The following PARD3B variants were observed in gnomAD, a reference collection of about 807,000 sequenced individuals.
PARD3B encodes the protein partitioning defective 3 homolog B.
In PARD3B, 103 loss-of-function variants were observed where a neutral mutation model predicts 130.2. The ratio of observed to expected loss-of-function variants is 0.79; its 90% CI spans 0.67 to 0.93. The LOEUF is 0.93. Among genes scored for constraint, PARD3B ranks in the 40% least tolerant of loss-of-function variants. PARD3B has a pLI of 0.00. For missense variants in PARD3B, 1,609 were observed against 1,499.2 expected (o/e 1.07, Z -1.21); for synonymous variants, 583 against 553.2 (o/e 1.05, Z -0.76).
chr2:204,942,477 G>GA (rs1448685057), intron 2 of PARD3B, among the ~76,000 whole-genome samples: 1 of 152,094 alleles, frequency 6.6e-6, no homozygotes, highest in Non-Finnish European at 1.5e-5. Flanking sequence ...AAGCATTTTT[G>GA]AGAATGTTTG....
Position 205,047,680 on chromosome 2 carries a change from T to C in PARD3B, c.494T>C (p.Leu165Pro), listed in dbSNP as rs1510765. 925,018 of 1,543,300 alleles carry C rather than the reference T, an allele frequency of 0.6. 280,063 individuals are homozygous for C. The highest frequency in any genetic ancestry group is 0.72 in the Middle Eastern group (4,054 of 5,648). ...ASHPGGQSLK[L>P]VVPDSTQNLE... ...CACCCTGGTGGCCAGAGTCTGAAAC[T>C]GGTTGTTCCAGTAGGTATCCTGCTG... The change falls in exon 4 of 23, where the codon CTG (leucine) becomes CCG (proline). Residue 165 changes from leucine (L) to proline (P), a missense_variant. Leu to Pro is a moderately conservative substitution (Grantham distance 98). Coordinates refer to ENST00000406610, the MANE Select transcript of PARD3B (RefSeq NM_001302769.2).
At chr2:205,615,351 C>T in intron 22 of PARD3B, 105 bp from the exon 23 acceptor site, 1 of 889,650 alleles carries the variant, frequency 1.1e-6, no homozygotes, top group Non-Finnish European at 1.8e-6. Context: ...TTGGCCAGAC[C>T]TATGCGGTGG....
chr2:205,200,395 T>G (rs2036924395), intron 15 of PARD3B, among the ~76,000 whole-genome samples: 1 of 152,186 alleles, frequency 6.6e-6, no homozygotes, highest in Admixed American at 6.6e-5. Flanking sequence ...CTTTCAGTCT[T>G]AGTTAATTTT....
In PARD3B at chr2:205,435,091, TA is replaced by T. The variant is rs967674790; in HGVS notation, c.2742-5274del. Among the ~76,000 whole-genome samples the T allele has an allele frequency of 7.2e-5, 11 of 152,192 alleles. No homozygotes were observed. In the South Asian group the frequency reaches 2.3e-3, roughly 32 times the overall value. ...GTTAAATTTATTTTTTTAATTATCTTAAAAATATAGAAAATGCAAATAGCAC... is the reference window on the plus strand; with the variant it reads ...GTTAAATTTATTTTTTTAATTATCTTAAAATATAGAAAATGCAAATAGCAC... On this transcript the variant is annotated intron_variant, in intron 19 of 22. Coordinates refer to ENST00000406610, the MANE Select transcript of PARD3B (RefSeq NM_001302769.2).
intron 18 of PARD3B, among the ~76,000 whole-genome samples, chr2:205,370,437 T>C (rs1407832970): frequency 6.6e-6 from 1 of 152,138 alleles, no homozygotes; most frequent in Non-Finnish European, 1.5e-5. Context: ...GTTGTACCTG[T>C]TTTTCCCACA....
intron 22 of PARD3B, among the ~76,000 whole-genome samples, chr2:205,609,809 CT>C (rs1210369853): frequency 2.0e-5 from 3 of 152,286 alleles, no homozygotes; most frequent in Admixed American, 2.0e-4. Flanking sequence ...GTGTCTCCAA[CT>C]TAGTTGTTTT....
In PARD3B at chr2:205,310,546, A is replaced by T. The variant is rs150408990; in HGVS notation, c.2630+8845A>T. Among the ~76,000 whole-genome samples the T allele has an allele frequency of 2.1e-3, 314 of 151,956 alleles. 2 individuals carry two copies. The highest frequency in any genetic ancestry group is 3.4e-3 in the Non-Finnish European group (234 of 67,940). ...CATCATTCTATTCTCTCTTTCCATG[A>T]GTTCGACTTTTATACACCTCACATA... On this transcript the variant is annotated intron_variant, in intron 18 of 22. Transcript: ENST00000406610.
At chr2:205,304,161 T>A (rs1340821778) in intron 18 of PARD3B, among the ~76,000 whole-genome samples, 1 of 152,204 alleles carries the variant, frequency 6.6e-6, no homozygotes, top group Non-Finnish European at 1.5e-5. Flanking sequence ...CTCTTAGCAG[T>A]GAGCCTTCCC....
At chr2:204,821,900 T>C (rs1461081864) in intron 2 of PARD3B, among the ~76,000 whole-genome samples, 1 of 152,026 alleles carries the variant, frequency 6.6e-6, no homozygotes, top group Non-Finnish European at 1.5e-5. Flanking sequence ...GGTTTGTCTT[T>C]ATCAGCAGCG....
intron 2 of PARD3B, among the ~76,000 whole-genome samples, chr2:204,788,691 C>G (rs1383726849): frequency 6.6e-6 from 1 of 152,102 alleles, no homozygotes; most frequent in Non-Finnish European, 1.5e-5. Flanking sequence ...CTTAAAGGTA[C>G]TGGGCACTGG....
intron 21 of PARD3B, among the ~76,000 whole-genome samples, chr2:205,552,429 G>A (rs1052067766): frequency 6.6e-6 from 1 of 152,114 alleles, no homozygotes; most frequent in African/African-American, 2.4e-5. Flanking sequence ...TTTATTTTGA[G>A]ACAAAGTCTC....
intron 10 of PARD3B, among the ~76,000 whole-genome samples, chr2:205,130,153 C>A (rs989070005): frequency 1.3e-5 from 2 of 152,076 alleles, no homozygotes; most frequent in Non-Finnish European, 2.9e-5. Context: ...GTGTCCTCAC[C>A]CCCTGACTGG....
At chr2:205,000,109 C>A (rs2335704) in intron 3 of PARD3B, among the ~76,000 whole-genome samples, 132,015 of 151,832 alleles carry the variant, frequency 0.87, 57,536 homozygotes, top group East Asian at 0.99. Flanking sequence ...GTGGCCTACT[C>A]CTGAAACTTT....
chr2:205,220,035 A>G (rs2038155722), intron 15 of PARD3B, among the ~76,000 whole-genome samples: 1 of 152,178 alleles, frequency 6.6e-6, no homozygotes, highest in Non-Finnish European at 1.5e-5. Flanking sequence ...GCCGCAATTC[A>G]GAAGATTAAA....
At chr2:205,103,210 T>C (rs1702926075) in intron 4 of PARD3B, among the ~76,000 whole-genome samples, 1 of 141,576 alleles carries the variant, frequency 7.1e-6, no homozygotes, top group African/African-American at 2.5e-5. Context: ...TGTAAACATT[T>C]TATATTTATG....
At chr2:205,406,147 A>G (rs770800503) in intron 19 of PARD3B, among the ~76,000 whole-genome samples, 1 of 152,236 alleles carries the variant, frequency 6.6e-6, no homozygotes, top group African/African-American at 2.4e-5. Context: ...TGGATTTCTC[A>G]TGCTTGAAGA....
chr2:205,424,842 T>C lies in PARD3B; in HGVS notation c.2742-15528T>C, dbSNP rs189961566. ...GGCAGTCCCTAGGGTTAAACAATGC[T>C]GTGCTCCAGAAAATTTTAATACAGA... On this transcript the variant is annotated intron_variant, in intron 19 of 22. Coordinates refer to ENST00000406610, the MANE Select transcript of PARD3B (RefSeq NM_001302769.2). Among the ~76,000 whole-genome samples the C allele has an allele frequency of 7.9e-5, 12 of 152,282 alleles. 2 individuals are homozygous for C. The South Asian group carries it at 2.1e-3, about 26-fold the overall frequency.
At chr2:205,332,612 G>T (rs550308966) in intron 18 of PARD3B, among the ~76,000 whole-genome samples, 16 of 152,190 alleles carry the variant, frequency 1.1e-4, no homozygotes, top group Non-Finnish European at 1.6e-4. Context: ...CTGAGTAGTG[G>T]CTTGAGGAGC....
chr2:204,574,387 GCT>G (rs1389782459), intron 1 of PARD3B, among the ~76,000 whole-genome samples: 5 of 151,792 alleles, frequency 3.3e-5, no homozygotes, highest in Non-Finnish European at 7.4e-5. Context: ...TATATTTTTA[GCT>G]CTCTGGTTTT....
Sources: allele counts gnomAD v4.1 joint callset (sites outside exome capture counted in the v4.1 genomes callset), GRCh38; gene constraint gnomAD v4.1.1; transcripts MANE v1.5; gene names NCBI Gene and HGNC (gene_info 2026-07-23, HGNC 2026-07-21).